The following RAD51B variants were observed in gnomAD, a reference collection of about 807,000 sequenced individuals.
The protein encoded by RAD51B is RAD51 paralog B, also known as DNA repair protein RAD51 homolog 2.
RAD51B carries 38 observed loss-of-function variants against 42.2 expected under a neutral mutation model. The ratio of observed to expected loss-of-function variants is 0.90; its 90% CI spans 0.70 to 1.18. RAD51B has a LOEUF of 1.18. Ranked by LOEUF, RAD51B falls within the 50% of genes most tolerant of loss-of-function variation. The pLI, the probability that RAD51B is intolerant of heterozygous loss-of-function variation, is 0.00. For missense variants in RAD51B, 373 were observed against 400.7 expected (o/e 0.93, Z 0.59); for synonymous variants, 154 against 145.2 (o/e 1.06, Z -0.43).
chr14:67,838,738 G>T (rs1350412627), intron 4 of RAD51B, among the ~76,000 whole-genome samples: 2 of 151,494 alleles, frequency 1.3e-5, no homozygotes, highest in Admixed American at 6.6e-5. Flanking sequence ...GAGCTACTGC[G>T]CCTGGCCTTC....
chr14:67,830,849 T>C (rs577630015), intron 3 of RAD51B, among the ~76,000 whole-genome samples: 55 of 152,060 alleles, frequency 3.6e-4, no homozygotes, highest in African/African-American at 1.3e-3. Context: ...AGGAGCAGGT[T>C]TGAGGGAGGC....
At chr14:68,406,048 C>T (rs1238069216) in intron 8 of RAD51B, among the ~76,000 whole-genome samples, 1 of 152,106 alleles carries the variant, frequency 6.6e-6, no homozygotes, top group East Asian at 1.9e-4. Flanking sequence ...GCTGCCAAAA[C>T]AAGGATACAA....
At chr14:67,869,072 C>A (rs1318950547) in intron 5 of RAD51B, among the ~76,000 whole-genome samples, 2 of 152,212 alleles carry the variant, frequency 1.3e-5, no homozygotes, top group African/African-American at 4.8e-5. Flanking sequence ...AGCAACGGAA[C>A]AAAGCTGGAT....
At chr14:68,279,869 G>C (rs2081288688) in intron 7 of RAD51B, among the ~76,000 whole-genome samples, 1 of 152,148 alleles carries the variant, frequency 6.6e-6, no homozygotes, top group African/African-American at 2.4e-5. Flanking sequence ...GCTGCTCTCT[G>C]TGCGTTGAAA....
intron 7 of RAD51B, among the ~76,000 whole-genome samples, chr14:68,178,378 T>C (rs1187248413): frequency 6.6e-6 from 1 of 152,200 alleles, no homozygotes; most frequent in Non-Finnish European, 1.5e-5. Context: ...ATGCATACTT[T>C]CTTTTTTTCT....
intron 10 of RAD51B, among the ~76,000 whole-genome samples, chr14:68,641,480 G>A (rs548289411): frequency 6.9e-6 from 1 of 144,214 alleles, no homozygotes; most frequent in East Asian, 2.3e-4. Flanking sequence ...AGGACTTCCA[G>A]TATGATGTTG....
chr14:67,866,120 A>T (rs1839908187), intron 5 of RAD51B, among the ~76,000 whole-genome samples: 1 of 152,252 alleles, frequency 6.6e-6, no homozygotes, highest in Admixed American at 6.5e-5. Flanking sequence ...AAATAACAGA[A>T]CAAACAACTT....
intron 7 of RAD51B, among the ~76,000 whole-genome samples, chr14:67,966,922 TAGAAG>T (rs2074791033): frequency 6.6e-6 from 1 of 152,124 alleles, no homozygotes; most frequent in Admixed American, 6.6e-5. Flanking sequence ...TATGGACAAT[TAGAAG>T]AGAAAAAAAT....
intron 9 of RAD51B, among the ~76,000 whole-genome samples, chr14:68,445,381 C>T (rs117086110): frequency 0.017 from 2,627 of 152,224 alleles, 33 homozygotes; most frequent in Non-Finnish European, 0.029. Flanking sequence ...AAAACAACAA[C>T]GACAGTAACA....
chr14:68,072,802 C>T (rs981672339), intron 7 of RAD51B, among the ~76,000 whole-genome samples: 1 of 152,176 alleles, frequency 6.6e-6, no homozygotes, highest in African/African-American at 2.4e-5. Flanking sequence ...TTAATTCATT[C>T]AGGAGCAGAT....
chr14:68,429,322 A>G (rs1003141473), intron 9 of RAD51B, among the ~76,000 whole-genome samples: 5 of 152,180 alleles, frequency 3.3e-5, no homozygotes, highest in Non-Finnish European at 7.4e-5. Context: ...TCCTTGAGGA[A>G]TCGCCACACT....
rs550847140 is a variant in RAD51B, at chr14:68,441,799, A to T, written c.958-26373A>T. 2.0e-5 allele frequency among the ~76,000 whole-genome samples: 3 copies of T among 152,346 alleles called. No homozygotes were observed. In the South Asian group the frequency reaches 6.2e-4, roughly 32 times the overall value. On this transcript the variant is annotated intron_variant, in intron 9 of 10. Transcript: ENST00000471583. The stretch of plus-strand genomic sequence containing the variant: ...GATTTCACTTTCTGGTTCTATGAAG[A>T]AGAAGCAATGCCATGCTATACCTCA...
rs193156051 is a variant in RAD51B, at chr14:67,898,005, A to G, written c.756+10801A>G. 2.0e-3 allele frequency among the ~76,000 whole-genome samples: 311 copies of G among 152,180 alleles called. 9 individuals carry two copies. Among genetic ancestry groups the G allele is most frequent in the Admixed American group, 0.019 (291 of 15,280 alleles). On this transcript the variant is annotated intron_variant, in intron 7 of 10. Coordinates refer to ENST00000471583, the MANE Select transcript of RAD51B (RefSeq NM_133510.4). Reference sequence around the variant, plus strand: ...TTGGTGTAGCTACCTGCTATGGAAAACAGTTTGGAGGTTTCTCAAAACATT... The same window carrying G: ...TTGGTGTAGCTACCTGCTATGGAAAGCAGTTTGGAGGTTTCTCAAAACATT...
intron 9 of RAD51B, among the ~76,000 whole-genome samples, chr14:68,447,972 G>A (rs2085461620): frequency 6.6e-6 from 1 of 152,180 alleles, no homozygotes. Context: ...TACTAGGTTA[G>A]GCTCTGGAAA....
chr14:68,308,943 A>G (rs1198840128), intron 8 of RAD51B, among the ~76,000 whole-genome samples: 1 of 152,186 alleles, frequency 6.6e-6, no homozygotes, highest in Non-Finnish European at 1.5e-5. Flanking sequence ...GCTCATGGAC[A>G]AAACTGAGAG....
At chr14:67,994,552 A>C (rs2075350406) in intron 7 of RAD51B, among the ~76,000 whole-genome samples, 1 of 152,216 alleles carries the variant, frequency 6.6e-6, no homozygotes, top group African/African-American at 2.4e-5. Context: ...ACAATTAGAA[A>C]TATGAAATGA....
chr14:68,078,967 G>A (rs1007709195), intron 7 of RAD51B, among the ~76,000 whole-genome samples: 1 of 152,132 alleles, frequency 6.6e-6, no homozygotes, highest in Non-Finnish European at 1.5e-5. Context: ...TCCCGCCTGG[G>A]CAATAGAGCC....
chr14:68,442,505 A>T lies in RAD51B; in HGVS notation c.958-25667A>T, dbSNP rs145535605. Among the ~76,000 whole-genome samples, 191 of 128,180 alleles carry T rather than the reference A, an allele frequency of 1.5e-3. 1 individual carries two copies. Among genetic ancestry groups the T allele is most frequent in the African/African-American group, 5.7e-3 (189 of 33,050 alleles). 84.1% of individuals were successfully genotyped at this position (128,180 alleles called of 152,430 possible). ...TGCTAGGCTGGAGAGCAGTGGCGCG[A>T]TTTCAGCTCACTGCAACCTCCGCCT... On this transcript the variant is annotated intron_variant, in intron 9 of 10. Transcript: ENST00000471583.
At position 68,565,055 on chromosome 14, in the gene RAD51B, G is replaced by T. The variant is rs980083837; in HGVS notation, c.1037-29430G>T. 1.1e-4 allele frequency among the ~76,000 whole-genome samples: 16 copies of T among 152,238 alleles called. No individual in the cohort carries two copies. The East Asian group carries it at 3.1e-3, about 29-fold the overall frequency. ...TGTTTTCAAACATTCTACATCCAGCGCATAAAAACACAATAGTGACAGGAA... is the reference window on the plus strand; with the variant it reads ...TGTTTTCAAACATTCTACATCCAGCTCATAAAAACACAATAGTGACAGGAA... On this transcript the variant is annotated intron_variant, in intron 10 of 10. Transcript: ENST00000487270. The surrounding 1 kb of genome is among the most constrained non-coding windows in gnomAD (Gnocchi z 4.1).
Sources: allele counts gnomAD v4.1 joint callset (sites outside exome capture counted in the v4.1 genomes callset), GRCh38; gene constraint gnomAD v4.1.1; non-coding constraint Gnocchi (gnomAD v3.1); transcripts MANE v1.5; gene names NCBI Gene and HGNC (gene_info 2026-07-23, HGNC 2026-07-21).